The following LIMS1 variants were observed in gnomAD, a reference collection of about 807,000 sequenced individuals.
The protein encoded by LIMS1 is LIM and senescent cell antigen-like-containing domain protein 1.
In LIMS1, 18 loss-of-function variants were observed where a neutral mutation model predicts 44.1. The ratio of observed to expected loss-of-function variants is 0.41; its 90% CI spans 0.28 to 0.61. The LOEUF (loss-of-function observed/expected upper bound fraction) is 0.61, where lower values mean the gene tolerates loss of function less well. Among genes scored for constraint, LIMS1 ranks in the 20% least tolerant of loss-of-function variants. The probability of loss-of-function intolerance (pLI) is 0.32; values close to 1 mark genes in which losing one functional copy is unlikely to be tolerated. For missense variants in LIMS1, 201 were observed against 422.0 expected (o/e 0.48, Z 4.59); for synonymous variants, 93 against 149.1 (o/e 0.62, Z 2.74).
chr2:108,637,099 ATGTGTGTG>A (rs74315160), intron 1 of LIMS1, among the ~76,000 whole-genome samples: 1,066 of 98,582 alleles, frequency 0.011, 6 homozygotes, highest in Non-Finnish European at 0.018. Context: ...ATATACATAT[ATGTGTGTG>A]TGTGTGTGTG....
At chr2:108,678,941 GCTGGTGTAAGA>G (rs1429714699) in intron 8 of LIMS1, among the ~76,000 whole-genome samples, 1 of 152,168 alleles carries the variant, frequency 6.6e-6, no homozygotes, top group Non-Finnish European at 1.5e-5. Flanking sequence ...GGGCACAGTT[GCTGGTGTAAGA>G]CATGGCACAC....
At chr2:108,606,831 T>A (rs989283741) in intron 1 of LIMS1, among the ~76,000 whole-genome samples, 8 of 152,132 alleles carry the variant, frequency 5.3e-5, no homozygotes, top group Non-Finnish European at 1.0e-4. Flanking sequence ...AGAGAAATGG[T>A]AGATCCTGGA....
At chr2:108,648,878 C>T (rs938579937) in intron 1 of LIMS1, among the ~76,000 whole-genome samples, 2 of 152,128 alleles carry the variant, frequency 1.3e-5, no homozygotes, top group Non-Finnish European at 2.9e-5. Context: ...ACCATGAAAA[C>T]CCTAGAAGAA....
At chr2:108,618,686 G>A (rs909206152) in intron 1 of LIMS1, among the ~76,000 whole-genome samples, 6 of 152,062 alleles carry the variant, frequency 3.9e-5, no homozygotes, top group East Asian at 1.9e-4. Context: ...TTAGCCAGGC[G>A]TGGTTGCGCG....
chr2:108,678,593 A>G (rs1283671331), intron 8 of LIMS1: 1 of 152,896 alleles, frequency 6.5e-6, no homozygotes, highest in African/African-American at 2.4e-5. Context: ...CTCCCTGCAG[A>G]CATCACCTAA....
intron 1 of LIMS1, among the ~76,000 whole-genome samples, chr2:108,551,827 TATATACAC>T (rs1468943666): frequency 4.0e-4 from 58 of 144,478 alleles, no homozygotes; most frequent in African/African-American, 1.4e-3. Flanking sequence ...ACAATATACA[TATATACAC>T]ATATACTGTA....
intron 1 of LIMS1, among the ~76,000 whole-genome samples, chr2:108,632,947 T>G (rs768304655): frequency 7.9e-5 from 12 of 152,212 alleles, no homozygotes; most frequent in Non-Finnish European, 1.6e-4. Flanking sequence ...TATGAGCCAT[T>G]ATGATATTGT....
intron 1 of LIMS1, among the ~76,000 whole-genome samples, chr2:108,590,076 A>G (rs971522062): frequency 1.3e-5 from 2 of 152,218 alleles, no homozygotes; most frequent in African/African-American, 4.8e-5. Flanking sequence ...TTATTTACCC[A>G]CAGAAGAATC....
At chr2:108,636,348 G>T (rs1346837539) in intron 1 of LIMS1, among the ~76,000 whole-genome samples, 1 of 152,226 alleles carries the variant, frequency 6.6e-6, no homozygotes, top group Non-Finnish European at 1.5e-5. Flanking sequence ...CACCATCAGG[G>T]TCCAAGGCAC....
intron 1 of LIMS1, among the ~76,000 whole-genome samples, chr2:108,582,708 C>G (rs1685933750): frequency 6.6e-6 from 1 of 152,156 alleles, no homozygotes; most frequent in African/African-American, 2.4e-5. Context: ...GCAGAGGTTG[C>G]AGTGAGCCAA....
chr2:108,597,199 G>C lies in LIMS1; in HGVS notation c.33-62406G>C, dbSNP rs570532386. On this transcript the variant is annotated intron_variant, in intron 1 of 9. Transcript: ENST00000544547. ...GCTGAGATTACAGATGTGAGCCACC[G>C]TGCTTGGTCAAAACATCTTAATTTG... Among the ~76,000 whole-genome samples the C allele has an allele frequency of 3.3e-5, 5 of 152,108 alleles. No individual in the cohort carries two copies. In the South Asian group the frequency reaches 1.0e-3, roughly 32 times the overall value.
chr2:108,586,122 G>A (rs1014711738), intron 1 of LIMS1, among the ~76,000 whole-genome samples: 19 of 152,136 alleles, frequency 1.2e-4, no homozygotes, highest in African/African-American at 4.6e-4. Context: ...AACCCAGGAG[G>A]CGGAGCTTGC....
chr2:108,686,759 G>A (rs1573642574), exon 10 of LIMS1: 1 of 148,286 alleles, frequency 6.7e-6, no homozygotes, highest in African/African-American at 2.5e-5. Context: ...CTGGGCGACA[G>A]AGCAAGACTC....
At chr2:108,659,113 C>G in intron 1 of LIMS1, 1 of 981,096 alleles carries the variant, frequency 1.0e-6, no homozygotes, top group Middle Eastern at 5.2e-4. Context: ...CAGTTGTTTT[C>G]CACAGGATTT....
At chr2:108,630,237 A>G (rs1688832148) in intron 1 of LIMS1, among the ~76,000 whole-genome samples, 1 of 151,350 alleles carries the variant, frequency 6.6e-6, no homozygotes, top group Non-Finnish European at 1.5e-5. Context: ...AAACCAGAAG[A>G]CAGCCTGCCT....
intron 1 of LIMS1, among the ~76,000 whole-genome samples, chr2:108,616,649 A>AT (rs898282433): frequency 1.2e-4 from 18 of 150,832 alleles, no homozygotes; most frequent in South Asian, 6.3e-4. Context: ...TATTTTCATG[A>AT]TTTTTTTTTT....
chr2:108,671,463 G>A (rs1157161142), intron 3 of LIMS1, among the ~76,000 whole-genome samples: 1 of 152,114 alleles, frequency 6.6e-6, no homozygotes, highest in Non-Finnish European at 1.5e-5. Context: ...TTTTGGTTTT[G>A]CCCAGAAAGA....
chr2:108,628,362 T>C (rs7591037), intron 1 of LIMS1, among the ~76,000 whole-genome samples: 5,385 of 152,290 alleles, frequency 0.035, 330 homozygotes, highest in African/African-American at 0.12. Context: ...ACCATCCATG[T>C]GCAGTCACTG....
intron 1 of LIMS1, among the ~76,000 whole-genome samples, chr2:108,650,418 T>C (rs826699): frequency 0.34 from 48,714 of 143,934 alleles, 8,367 homozygotes; most frequent in Middle Eastern, 0.51. Context: ...CTTTTCTTTT[T>C]TTTTTTTTTT....
Sources: gnomAD v4.1 joint callset for allele counts (sites outside exome capture counted in the v4.1 genomes callset) on GRCh38, gnomAD v4.1.1 for gene constraint, MANE v1.5 for transcripts, NCBI Gene and HGNC (gene_info 2026-07-23, HGNC 2026-07-21) for gene names.